The following RFTN1 variants were observed in gnomAD, a reference collection of about 807,000 sequenced individuals.
The protein encoded by RFTN1 is raftlin, lipid raft linker 1.
RFTN1 carries 26 observed loss-of-function variants against 46.5 expected under a neutral mutation model. The observed-to-expected ratio is 0.56, with a 90% CI of 0.41 to 0.78. The LOEUF is 0.78. Among genes scored for constraint, RFTN1 ranks in the 30% least tolerant of loss-of-function variants. The pLI is 0.00. For synonymous variants in RFTN1, 261 were observed against 284.2 expected (o/e 0.92, Z 0.82); for missense variants, 693 against 718.7 (o/e 0.96, Z 0.41).
chr3:16,339,833 T>C (rs1266123037), intron 7 of RFTN1: 1 of 152,228 alleles, frequency 6.6e-6, no homozygotes, highest in Non-Finnish European at 1.5e-5. Context: ...GTTCGATAAT[T>C]AGTTGTTGAG....
rs1030282534 is a variant in RFTN1, at chr3:16,410,244, C to T, written c.333-761G>A. ...ACACACACACACACACACACACACA[C>T]ACACACACACACACAAACTCTCACT... On this transcript the variant is annotated intron_variant, in intron 3 of 9. Transcript: ENST00000334133. The surrounding 1 kb of genome is among the most constrained non-coding windows in gnomAD (Gnocchi z 4.6). Among the ~76,000 whole-genome samples the T allele has an allele frequency of 6.8e-6, 1 of 146,106 alleles. No homozygotes were observed. The highest frequency in any genetic ancestry group is 1.5e-5 in the Non-Finnish European group (1 of 64,692).
In RFTN1 at chr3:16,468,452, G is replaced by A. The variant is rs1161419354; in HGVS notation, c.145+25273C>T. Among the ~76,000 whole-genome samples, 1 of 152,100 alleles carries A rather than the reference G, an allele frequency of 6.6e-6. No individual in the cohort carries two copies. Among genetic ancestry groups the A allele is most frequent in the Non-Finnish European group, 1.5e-5 (1 of 68,018 alleles). On this transcript the variant is annotated intron_variant, in intron 2 of 9. Coordinates refer to ENST00000334133, the MANE Select transcript of RFTN1 (RefSeq NM_015150.2). The surrounding 1 kb of genome is among the most constrained non-coding windows in gnomAD (Gnocchi z 4.4). ...ATCCTAACAACACTGACAGAGTGAA[G>A]GGCACGTTTCTCCCTTTGGTGGGAT...
At chr3:16,505,824 A>G (rs1575386813) in intron 1 of RFTN1, among the ~76,000 whole-genome samples, 1 of 152,318 alleles carries the variant, frequency 6.6e-6, no homozygotes, top group African/African-American at 2.4e-5. Context: ...AAAATTAACC[A>G]TCACACTCCT....
chr3:16,436,191 T>C (rs2075509952), intron 2 of RFTN1, among the ~76,000 whole-genome samples: 1 of 152,010 alleles, frequency 6.6e-6, no homozygotes, highest in African/African-American at 2.4e-5. Context: ...CTGTGAACTG[T>C]CTGTCCATTA....
At chr3:16,391,858 G>GTTTTTTTTTTTTTTTTTTTTTTTTT (rs1272551461) in intron 4 of RFTN1, among the ~76,000 whole-genome samples, 1 of 49,122 alleles carries the variant, frequency 2.0e-5, no homozygotes, top group African/African-American at 4.5e-5. Context: ...TAGTGCAAAG[G>GTTTTTTTTTTTTTTTTTTTTTTTTT]TTTTTTTTTT....
chr3:16,403,704 G>T (rs1307744155), intron 4 of RFTN1, among the ~76,000 whole-genome samples: 2 of 7,312 alleles, frequency 2.7e-4, no homozygotes, highest in Admixed American at 2.5e-3. Context: ...TATATTTTAT[G>T]TATATAATAT....
chr3:16,510,842 T>C (rs963794432), intron 1 of RFTN1, among the ~76,000 whole-genome samples: 1 of 152,098 alleles, frequency 6.6e-6, no homozygotes, highest in African/African-American at 2.4e-5. Flanking sequence ...GGCAGCTTTG[T>C]TCACAATAAC....
rs1254128393 is a variant in RFTN1, at chr3:16,440,322, A to G, written c.146-6285T>C. Among the ~76,000 whole-genome samples the G allele has an allele frequency of 6.6e-6, 1 of 152,192 alleles. No homozygotes were observed. The highest frequency in any genetic ancestry group is 1.5e-5 in the Non-Finnish European group (1 of 68,032). The stretch of plus-strand genomic sequence containing the variant: ...TGGACTCAAGTGATCCTCCTGCCTC[A>G]GCCCCCTGAGTAGCTGGGACTACAG... On this transcript the variant is annotated intron_variant, in intron 2 of 9. Transcript: ENST00000334133. The surrounding 1 kb of genome is among the most constrained non-coding windows in gnomAD (Gnocchi z 4.6).
chr3:16,435,917 A>ATATATATATAT (rs2075501448), intron 2 of RFTN1, among the ~76,000 whole-genome samples: 18 of 142,356 alleles, frequency 1.3e-4, no homozygotes, highest in African/African-American at 4.8e-4. Flanking sequence ...CAGAGATGTA[A>ATATATATATAT]ATATATATAT....
intron 4 of RFTN1, among the ~76,000 whole-genome samples, chr3:16,379,991 C>T (rs965828252): frequency 1.3e-5 from 2 of 152,200 alleles, no homozygotes; most frequent in African/African-American, 4.8e-5. Flanking sequence ...TGAGGAGACA[C>T]CTGCACTAGC....
chr3:16,440,052 T>A lies in RFTN1; in HGVS notation c.146-6015A>T, dbSNP rs1481408964. Among the ~76,000 whole-genome samples, 1 of 152,178 alleles carries A rather than the reference T, an allele frequency of 6.6e-6. No individual in the cohort carries two copies. The highest frequency in any genetic ancestry group is 1.5e-5 in the Non-Finnish European group (1 of 68,034). ...ATAAGTTAAAATTTCTAATTATAAC[T>A]TCGTAGTCTGAAGATAAGGGACACT... On this transcript the variant is annotated intron_variant, in intron 2 of 9. Coordinates refer to ENST00000334133, the MANE Select transcript of RFTN1 (RefSeq NM_015150.2). This position sits in a 1 kb window ranked among gnomAD's most constrained non-coding sequence, Gnocchi z 4.6.
Position 16,316,870 on chromosome 3 carries a change from ATCCCCG to A in RFTN1, c.1689_1694del (p.Gly564_Asp565del), listed in dbSNP as rs1559794453. 4 of 1,614,046 alleles carry A rather than the reference ATCCCCG, an allele frequency of 2.5e-6. No individual in the cohort carries two copies. Among genetic ancestry groups the A allele is most frequent in the Non-Finnish European group, 3.4e-6 (4 of 1,180,030 alleles). On this transcript the variant is annotated inframe_deletion, in exon 10 of 10. Coordinates refer to ENST00000334133, the MANE Select transcript of RFTN1 (RefSeq NM_015150.2). This position sits in a 1 kb window ranked among gnomAD's most constrained non-coding sequence, Gnocchi z 4.5. Reference sequence around the variant, plus strand: ...TACCAAGCTCTCTGACTTCCTCAGCATCCCCGTCCCTGGCATCCTCTCCAGGATTGG... The same window carrying A: ...TACCAAGCTCTCTGACTTCCTCAGCATCCCTGGCATCCTCTCCAGGATTGG...
rs988803372 is a variant in RFTN1, at chr3:16,447,006, TCCACACTCTG to T, written c.146-12979_146-12970del. On this transcript the variant is annotated intron_variant, in intron 2 of 9. Transcript: ENST00000334133. This position sits in a 1 kb window ranked among gnomAD's most constrained non-coding sequence, Gnocchi z 5.9. ...TCAAGAGGCTTATGACAGAATAAAT[TCCACACTCTG>T]GGGGCTTGGCACAACTTCTATCCAC... Among the ~76,000 whole-genome samples the T allele has an allele frequency of 7.2e-5, 11 of 152,116 alleles. No homozygotes were observed.
rs2075341452 is a variant in RFTN1, at chr3:16,429,287, T to C, written c.332+4564A>G. ...GAGGAATGTTACTGCACTTGAGAAC[T>C]ACTTTTGGAATGACTCATTAATAAT... On this transcript the variant is annotated intron_variant, in intron 3 of 9. Coordinates refer to ENST00000334133, the MANE Select transcript of RFTN1 (RefSeq NM_015150.2). The surrounding 1 kb of genome is among the most constrained non-coding windows in gnomAD (Gnocchi z 6.4). Among the ~76,000 whole-genome samples, 1 of 152,220 alleles carries C rather than the reference T, an allele frequency of 6.6e-6. No individual in the cohort carries two copies. The highest frequency in any genetic ancestry group is 2.4e-5 in the African/African-American group (1 of 41,458).
intron 8 of RFTN1, among the ~76,000 whole-genome samples, chr3:16,325,540 T>C (rs2069605088): frequency 6.6e-6 from 1 of 152,188 alleles, no homozygotes; most frequent in African/African-American, 2.4e-5. Context: ...TTGACCAACA[T>C]GACACAGTGG....
chr3:16,430,899 A>T (rs891246329), intron 3 of RFTN1, among the ~76,000 whole-genome samples: 1 of 152,180 alleles, frequency 6.6e-6, no homozygotes, highest in African/African-American at 2.4e-5. Context: ...AAGTAAGTTC[A>T]TTTGTTCATG....
Position 16,381,261 on chromosome 3 carries a change from T to C in RFTN1, c.442-3159A>G, listed in dbSNP as rs1164190442. Among the ~76,000 whole-genome samples the C allele has an allele frequency of 6.6e-6, 1 of 152,254 alleles. No homozygotes were observed. The highest frequency in any genetic ancestry group is 2.4e-5 in the African/African-American group (1 of 41,476). On this transcript the variant is annotated intron_variant, in intron 4 of 9. Transcript: ENST00000334133. This position sits in a 1 kb window ranked among gnomAD's most constrained non-coding sequence, Gnocchi z 4.2. ...TGGGGAGTGGGGCTATAAGTGATTT[T>C]TTTCTATTACTGTGTAATTTTCAAA... is the stretch of plus-strand genomic sequence containing the variant.
At position 16,457,492 on chromosome 3, in the gene RFTN1, G is replaced by A. The variant is rs893636304; in HGVS notation, c.146-23455C>T. On this transcript the variant is annotated intron_variant, in intron 2 of 9. Transcript: ENST00000334133. This position sits in a 1 kb window ranked among gnomAD's most constrained non-coding sequence, Gnocchi z 4.2. ...CGGTTATCATTATACCTTCTTTTAC[G>A]ATATACAAGGCATCCCAAAAGTCTC... Among the ~76,000 whole-genome samples, 2 of 152,082 alleles carry A rather than the reference G, an allele frequency of 1.3e-5. No individual in the cohort carries two copies. Among genetic ancestry groups the A allele is most frequent in the African/African-American group, 4.8e-5 (2 of 41,380 alleles).
rs976225058 is a variant in RFTN1, at chr3:16,422,502, G to A, written c.332+11349C>T. Among the ~76,000 whole-genome samples the A allele has an allele frequency of 9.9e-5, 15 of 152,096 alleles. No individual in the cohort carries two copies. In the East Asian group the frequency reaches 1.9e-3, roughly 20 times the overall value. ...AAAAATTAGCTGGGCGTGGTGGCAC[G>A]TGCCTGTAATCCCAGCTACTCAGGA... On this transcript the variant is annotated intron_variant, in intron 3 of 9. Coordinates refer to ENST00000334133, the MANE Select transcript of RFTN1 (RefSeq NM_015150.2). This position sits in a 1 kb window ranked among gnomAD's most constrained non-coding sequence, Gnocchi z 4.6.
Sources: allele counts gnomAD v4.1 joint callset (sites outside exome capture counted in the v4.1 genomes callset), GRCh38; gene constraint gnomAD v4.1.1; non-coding constraint Gnocchi (gnomAD v3.1); transcripts MANE v1.5; gene names NCBI Gene and HGNC (gene_info 2026-07-23, HGNC 2026-07-21).